DAB1: variants seen among roughly 807,000 people sequenced by gnomAD.
The protein encoded by DAB1 is disabled homolog 1.
A neutral mutation model predicts 64.6 loss-of-function variants in DAB1; 15 were observed. The observed-to-expected ratio is 0.23, with a 90% confidence interval of 0.16 to 0.36. The LOEUF is 0.36. Among genes scored for constraint, DAB1 ranks in the 10% least tolerant of loss-of-function variants. The probability of loss-of-function intolerance (pLI) is 1.00; values close to 1 mark genes in which losing one functional copy is unlikely to be tolerated. For synonymous variants in DAB1, 235 were observed against 251.9 expected, an observed-to-expected ratio of 0.93 and a Z score of 0.64; for missense variants, 596 against 706.7, an observed-to-expected ratio of 0.84 and a Z score of 1.78.
At chr1:57,523,612 T>A (rs1199367949) in intron 7 of DAB1, among the ~76,000 whole-genome samples, 2 of 152,082 alleles carry the variant, frequency 1.3e-5, no homozygotes, top group African/African-American at 4.8e-5. Context: ...GATGAAAAGA[T>A]ACCACATCCA....
chr1:58,119,156 T>A (rs1373170513), intron 5 of DAB1, among the ~76,000 whole-genome samples: 1 of 152,050 alleles, frequency 6.6e-6, no homozygotes, highest in Admixed American at 6.6e-5. Flanking sequence ...GAACAAATAT[T>A]TATCTGCAAT....
At chr1:58,500,721 T>C (rs1001210220) in intron 3 of DAB1, among the ~76,000 whole-genome samples, 1 of 152,198 alleles carries the variant, frequency 6.6e-6, no homozygotes, top group Non-Finnish European at 1.5e-5. Context: ...TAAATATTTT[T>C]CCTATACATT....
At chr1:58,204,128 CA>C (rs2100271921) in intron 4 of DAB1, among the ~76,000 whole-genome samples, 2 of 152,264 alleles carry the variant, frequency 1.3e-5, no homozygotes, top group South Asian at 2.1e-4. Context: ...ATCATTTGAT[CA>C]CACCTATATG....
At chr1:57,212,256 C>T (rs1170032687) in intron 2 of DAB1, among the ~76,000 whole-genome samples, 3 of 150,518 alleles carry the variant, frequency 2.0e-5, no homozygotes, top group African/African-American at 4.9e-5. Context: ...GCAAATGGTC[C>T]GAGATTAGGT....
At chr1:57,781,689 T>G (rs1428958437) in intron 6 of DAB1, among the ~76,000 whole-genome samples, 4 of 147,164 alleles carry the variant, frequency 2.7e-5, no homozygotes, top group Non-Finnish European at 4.4e-5. Flanking sequence ...AAGGTAGGAC[T>G]TTGCATCTGG....
At chr1:57,567,692 T>G (rs1196611126) in intron 7 of DAB1, among the ~76,000 whole-genome samples, 1 of 152,032 alleles carries the variant, frequency 6.6e-6, no homozygotes, top group Non-Finnish European at 1.5e-5. Flanking sequence ...TTAAAGAGAA[T>G]AAAACACCAA....
chr1:57,441,242 ATCTTT>A lies in DAB1; in HGVS notation n.626-150081_626-150077del, dbSNP rs10546051. Among the ~76,000 whole-genome samples the A allele has an allele frequency of 6.0e-4, 88 of 147,598 alleles. 3 individuals carry two copies. The East Asian group carries it at 0.012, about 19-fold the overall frequency. Reference sequence around the variant, plus strand: ...GCATAGTATTTTATGCACAGGTACAATCTTTTCTTTTCTTTTCTTTTCTTTCTTTC... The same window carrying A: ...GCATAGTATTTTATGCACAGGTACAATCTTTTCTTTTCTTTTCTTTCTTTC... On this transcript the variant is annotated intron_variant and non_coding_transcript_variant, in intron 7 of 20. Coordinates refer to the DAB1 transcript ENST00000485760.
At chr1:58,195,138 GAGAGAC>G (rs1037271099) in intron 4 of DAB1, among the ~76,000 whole-genome samples, 11 of 82,208 alleles carry the variant, frequency 1.3e-4, no homozygotes, top group East Asian at 6.3e-4. Flanking sequence ...GAGAGAGAGA[GAGAGAC>G]AGAGAGACAG....
At chr1:57,689,713 G>C (rs1460741531) in intron 6 of DAB1, among the ~76,000 whole-genome samples, 1 of 152,122 alleles carries the variant, frequency 6.6e-6, no homozygotes, top group Non-Finnish European at 1.5e-5. Flanking sequence ...AACCACATCA[G>C]GGAAAATTGA....
intron 2 of DAB1, among the ~76,000 whole-genome samples, chr1:57,272,964 C>G (rs11207003): frequency 2.0e-5 from 3 of 152,178 alleles, no homozygotes; most frequent in African/African-American, 7.2e-5. Context: ...AATGTAATAG[C>G]TGCTTTCTGT....
intron 3 of DAB1, among the ~76,000 whole-genome samples, chr1:58,375,396 G>T (rs907872845): frequency 7.3e-6 from 1 of 136,214 alleles, no homozygotes; most frequent in South Asian, 2.4e-4. Flanking sequence ...ATGAAGGGTT[G>T]TTGAATTTTG....
chr1:58,134,552 C>A (rs1653834572), intron 5 of DAB1, among the ~76,000 whole-genome samples: 1 of 152,086 alleles, frequency 6.6e-6, no homozygotes, highest in Admixed American at 6.5e-5. Flanking sequence ...CATGCTTCTG[C>A]AGGCTGTACA....
chr1:58,208,480 T>C (rs549289601), intron 4 of DAB1, among the ~76,000 whole-genome samples: 16 of 152,268 alleles, frequency 1.1e-4, no homozygotes, highest in South Asian at 4.1e-4. Context: ...AAGTCCATTA[T>C]ATCATTTTTA....
At chr1:57,733,429 C>A (rs72664606) in intron 6 of DAB1, among the ~76,000 whole-genome samples, 6,981 of 151,984 alleles carry the variant, frequency 0.046, 242 homozygotes, top group Non-Finnish European at 0.068. Flanking sequence ...ATGCTGTAGG[C>A]CCTCAGTGGA....
At chr1:57,585,222 C>T (rs1179037783) in intron 7 of DAB1, among the ~76,000 whole-genome samples, 1 of 129,288 alleles carries the variant, frequency 7.7e-6, no homozygotes, top group African/African-American at 3.0e-5. Context: ...GCACTCCAGC[C>T]TGGGCGACAG....
chr1:57,982,402 C>T (rs1646088394), intron 5 of DAB1, among the ~76,000 whole-genome samples: 1 of 152,160 alleles, frequency 6.6e-6, no homozygotes, highest in Admixed American at 6.5e-5. Context: ...GACTAGTGGA[C>T]GTAGCCCAGG....
chr1:58,404,891 C>A (rs1387655293), intron 3 of DAB1, among the ~76,000 whole-genome samples: 1 of 152,154 alleles, frequency 6.6e-6, no homozygotes, highest in Admixed American at 6.5e-5. Context: ...CCTTGTTTTT[C>A]CTTCTTCCCC....
chr1:58,508,575 C>T (rs1646025474), intron 2 of DAB1, among the ~76,000 whole-genome samples: 1 of 152,132 alleles, frequency 6.6e-6, no homozygotes, highest in African/African-American at 2.4e-5. Context: ...ATAAGAACAC[C>T]TGCAGCTCCC....
chr1:58,121,688 T>C (rs1652745665), intron 5 of DAB1, among the ~76,000 whole-genome samples: 2 of 152,196 alleles, frequency 1.3e-5, no homozygotes, highest in Non-Finnish European at 2.9e-5. Flanking sequence ...TTGTTAACTT[T>C]CTGTTCTCTG....
Sources: allele counts gnomAD v4.1 joint callset (sites outside exome capture counted in the v4.1 genomes callset), GRCh38; gene constraint gnomAD v4.1.1; transcripts MANE v1.5; gene names NCBI Gene and HGNC (gene_info 2026-07-23, HGNC 2026-07-21).